The following DPP6 variants were observed in gnomAD, a reference collection of about 807,000 sequenced individuals.
DPP6 encodes the protein A-type potassium channel modulatory protein DPP6.
A neutral mutation model predicts 122.6 loss-of-function variants in DPP6; 69 were observed. The observed-to-expected ratio is 0.56, with a 90% CI of 0.46 to 0.69. DPP6 has a LOEUF of 0.69. Among genes scored for constraint, DPP6 ranks in the 30% least tolerant of loss-of-function variants. The pLI, the probability that DPP6 is intolerant of heterozygous loss-of-function variation, is 0.00. For missense variants in DPP6, 928 were observed against 1,116.9 expected (o/e 0.83, Z 2.41); for synonymous variants, 418 against 433.1 (o/e 0.97, Z 0.43).
intron 3 of DPP6, among the ~76,000 whole-genome samples, chr7:154,476,284 A>G (rs1480746294): frequency 6.6e-6 from 1 of 152,230 alleles, no homozygotes; most frequent in Non-Finnish European, 1.5e-5. Flanking sequence ...ATGAATACCA[A>G]GGGCACACAG....
At chr7:154,259,530 AAG>A (rs1802863184) in intron 1 of DPP6, among the ~76,000 whole-genome samples, 1 of 152,146 alleles carries the variant, frequency 6.6e-6, no homozygotes, top group African/African-American at 2.4e-5. Flanking sequence ...GATGGGAGAA[AAG>A]AGAGGAAGAG....
At position 154,877,629 on chromosome 7, in the gene DPP6, G is replaced by A. The variant is rs756674938; in HGVS notation, c.2078+1529G>A. Among the ~76,000 whole-genome samples, 15 of 152,088 alleles carry A rather than the reference G, an allele frequency of 9.9e-5. No individual in the cohort carries two copies. Among genetic ancestry groups the A allele is most frequent in the East Asian group, 1.9e-4 (1 of 5,184 alleles). On this transcript the variant is annotated intron_variant, in intron 20 of 25. Transcript: ENST00000377770. This position sits in a 1 kb window ranked among gnomAD's most constrained non-coding sequence, Gnocchi z 5.2. ...TCAGTAGCACCTGGCTCCATGCTTC[G>A]TCATCTACCTCCAGCAGGTTGGGGA...
chr7:154,775,866 C>T (rs1457985293), intron 10 of DPP6, among the ~76,000 whole-genome samples: 1 of 152,216 alleles, frequency 6.6e-6, no homozygotes, highest in Non-Finnish European at 1.5e-5. Flanking sequence ...TCCTTGTCTA[C>T]ACCTGCTCCC....
intron 3 of DPP6, among the ~76,000 whole-genome samples, chr7:154,498,882 C>T (rs1824979204): frequency 6.6e-6 from 1 of 152,178 alleles, no homozygotes; most frequent in Admixed American, 6.5e-5. Context: ...CCTGAGAGGG[C>T]AAAATCAGCC....
At chr7:154,272,055 TAATC>T (rs375121443) in intron 1 of DPP6, among the ~76,000 whole-genome samples, 1 of 152,334 alleles carries the variant, frequency 6.6e-6, no homozygotes, top group African/African-American at 2.4e-5. Context: ...CATCCTGAAA[TAATC>T]AATGTATCTA....
chr7:154,163,921 C>T (rs1345334103), intron 1 of DPP6, among the ~76,000 whole-genome samples: 1 of 152,146 alleles, frequency 6.6e-6, no homozygotes, highest in African/African-American at 2.4e-5. Flanking sequence ...GAGTCTCACT[C>T]AGCTTCAGCT....
chr7:154,339,308 A>T (rs996573987), intron 1 of DPP6, among the ~76,000 whole-genome samples: 3 of 152,188 alleles, frequency 2.0e-5, no homozygotes, highest in African/African-American at 7.2e-5. Flanking sequence ...GGGTGGTGGG[A>T]CAGGGCTTCA....
chr7:154,741,013 A>G (rs1563158668), intron 8 of DPP6, among the ~76,000 whole-genome samples: 1 of 152,228 alleles, frequency 6.6e-6, no homozygotes, highest in Non-Finnish European at 1.5e-5. Context: ...ATGCAAAGAT[A>G]GCTCACCTCC....
chr7:154,318,302 C>T (rs983462743), intron 1 of DPP6, among the ~76,000 whole-genome samples: 9 of 152,170 alleles, frequency 5.9e-5, no homozygotes, highest in African/African-American at 1.9e-4. Context: ...TCGTCTCCCT[C>T]GTTCTCACTC....
At chr7:154,580,484 A>G (rs569856876) in intron 5 of DPP6, among the ~76,000 whole-genome samples, 7 of 152,320 alleles carry the variant, frequency 4.6e-5, no homozygotes, top group African/African-American at 1.7e-4. Context: ...CACCTGCTCT[A>G]TAATGGCTTC....
intron 7 of DPP6, among the ~76,000 whole-genome samples, chr7:154,692,292 A>T (rs1324893574): frequency 6.6e-6 from 1 of 152,206 alleles, no homozygotes; most frequent in Non-Finnish European, 1.5e-5. Flanking sequence ...TTCTGATTTG[A>T]TTTCCTAATC....
At chr7:154,441,937 T>C (rs1005270917) in intron 1 of DPP6, among the ~76,000 whole-genome samples, 2 of 152,254 alleles carry the variant, frequency 1.3e-5, no homozygotes, top group Admixed American at 6.5e-5. Context: ...TCGTTGTTTG[T>C]TTTATTTTTG....
chr7:154,144,051 C>T (rs1795973747), intron 1 of DPP6, among the ~76,000 whole-genome samples: 1 of 151,580 alleles, frequency 6.6e-6, no homozygotes, highest in Admixed American at 6.6e-5. Flanking sequence ...TCTAATCAGA[C>T]ATTCTCAACA....
intron 1 of DPP6, among the ~76,000 whole-genome samples, chr7:154,132,716 T>A (rs1471655835): frequency 1.3e-5 from 2 of 152,036 alleles, no homozygotes; most frequent in Admixed American, 1.3e-4. Flanking sequence ...TATTCCTTAT[T>A]CATCAAAAAA....
chr7:154,369,965 C>CATCTATTT (rs1554529265), intron 1 of DPP6, among the ~76,000 whole-genome samples: 1 of 145,848 alleles, frequency 6.9e-6, no homozygotes, highest in African/African-American at 2.5e-5. Flanking sequence ...CAGATATATG[C>CATCTATTT]ATTTATTTAT....
chr7:153,984,991 C>T (rs1392891281), intron 1 of DPP6, among the ~76,000 whole-genome samples: 3 of 152,322 alleles, frequency 2.0e-5, no homozygotes, highest in African/African-American at 7.2e-5. Flanking sequence ...CTAGAATGGT[C>T]CTTCATTTAT....
intron 1 of DPP6, among the ~76,000 whole-genome samples, chr7:154,312,621 T>C (rs1807006160): frequency 6.6e-6 from 1 of 152,162 alleles, no homozygotes; most frequent in East Asian, 1.9e-4. Context: ...CATGTATGTG[T>C]GGGCAGAGGG....
the DPP6 span, among the ~76,000 whole-genome samples, chr7:153,832,679 GA>G: frequency 0.012 from 1,166 of 99,228 alleles, 11 homozygotes; most frequent in African/African-American, 0.043. Context: ...TATTATACTG[GA>G]ATGATGGTAT....
chr7:154,716,729 C>G (rs999027366), intron 7 of DPP6, among the ~76,000 whole-genome samples: 2 of 146,992 alleles, frequency 1.4e-5, no homozygotes, highest in South Asian at 2.1e-4. Flanking sequence ...CAAGATAGCT[C>G]AATATATTAT....
Sources: gnomAD v4.1 joint callset for allele counts (sites outside exome capture counted in the v4.1 genomes callset) on GRCh38, gnomAD v4.1.1 for gene constraint, Gnocchi (gnomAD v3.1) non-coding constraint, MANE v1.5 for transcripts, NCBI Gene and HGNC (gene_info 2026-07-23, HGNC 2026-07-21) for gene names.